The following MSN variants were observed in gnomAD, a reference collection of about 807,000 sequenced individuals.
MSN encodes epididymis luminal protein 70.
In MSN, 2 loss-of-function variants were observed where a neutral mutation model predicts 48.0. The observed-to-expected ratio is 0.04, with a 90% confidence interval of 0.02 to 0.13. MSN has a LOEUF of 0.13. Among genes scored for constraint, MSN ranks in the 10% least tolerant of loss-of-function variants. The probability of loss-of-function intolerance (pLI) is 1.00; values close to 1 mark genes in which losing one functional copy is unlikely to be tolerated. For missense variants in MSN, 267 were observed against 470.1 expected (o/e 0.57, Z 3.99); for synonymous variants, 146 against 166.9 (o/e 0.87, Z 0.97).
intron 1 of MSN, among the ~76,000 whole-genome samples, chrX:65,655,953 G>T (rs1186761521): frequency 9.0e-6 from 1 of 111,030 alleles, no homozygotes; most frequent in Non-Finnish European, 1.9e-5. Flanking sequence ...TTTTAGTAGA[G>T]ACAGGGTGTC....
intron 1 of MSN, among the ~76,000 whole-genome samples, chrX:65,610,980 T>G (rs1310931209): frequency 9.0e-6 from 1 of 111,260 alleles, no homozygotes; most frequent in African/African-American, 3.3e-5. Context: ...TCTCCAGAAC[T>G]CTTTTCATCT....
chrX:65,597,027 AG>A (rs1296096380), intron 1 of MSN, among the ~76,000 whole-genome samples: 1 of 111,198 alleles, frequency 9.0e-6, no homozygotes. Context: ...TAACTCCAAC[AG>A]TGCTTTATTT....
At chrX:65,681,984 C>T (rs1243255070) in intron 1 of MSN, among the ~76,000 whole-genome samples, 2 of 111,720 alleles carry the variant, frequency 1.8e-5, no homozygotes, top group Admixed American at 9.5e-5. Context: ...AGCAGCCTGA[C>T]TCCAACTGGC....
intron 1 of MSN, among the ~76,000 whole-genome samples, chrX:65,647,370 C>T (rs1435523516): frequency 9.0e-6 from 1 of 110,771 alleles, no homozygotes; most frequent in African/African-American, 3.3e-5. Flanking sequence ...TGCCACCACA[C>T]CCAGCTAATT....
At chrX:65,625,050 T>C (rs1328985861) in intron 1 of MSN, 1 of 112,379 alleles carries the variant, frequency 8.9e-6, no homozygotes, top group East Asian at 2.8e-4. Flanking sequence ...GACTCATTGG[T>C]TGCTTATGTC....
At chrX:65,682,322 C>G (rs2071064592) in intron 1 of MSN, among the ~76,000 whole-genome samples, 1 of 112,125 alleles carries the variant, frequency 8.9e-6, no homozygotes, top group African/African-American at 3.2e-5. Flanking sequence ...AGTGGAGAAT[C>G]TCAATTAATT....
At chrX:65,707,253 A>G (rs1371335787) in intron 1 of MSN, among the ~76,000 whole-genome samples, 1 of 109,551 alleles carries the variant, frequency 9.1e-6, no homozygotes, top group Non-Finnish European at 1.9e-5. Context: ...TGGACAGTGT[A>G]CCACCGAGAT....
intron 1 of MSN, among the ~76,000 whole-genome samples, chrX:65,622,521 T>C (rs1485512920): frequency 9.8e-6 from 1 of 101,557 alleles, no homozygotes; most frequent in African/African-American, 3.6e-5. Flanking sequence ...TTTTTTTTTT[T>C]TTTTTTTTTT....
intron 6 of MSN, 43 bp from the exon 7 acceptor site, chrX:65,733,141 T>C (rs2071640134): frequency 1.9e-6 from 2 of 1,075,124 alleles, no homozygotes; most frequent in South Asian, 1.9e-5. Context: ...ACACCCTTCT[T>C]GTCTTGCCCT....
intron 1 of MSN, among the ~76,000 whole-genome samples, chrX:65,710,302 G>T (rs767978835): frequency 8.9e-6 from 1 of 111,839 alleles, no homozygotes; most frequent in Non-Finnish European, 1.9e-5. Flanking sequence ...GTGTTTTTCA[G>T]TAAGTGCCTT....
intron 1 of MSN, among the ~76,000 whole-genome samples, chrX:65,608,828 T>A (rs1244762611): frequency 9.0e-6 from 1 of 111,174 alleles, no homozygotes; most frequent in African/African-American, 3.3e-5. Context: ...CAGGGTTGTA[T>A]AAAAATTCAG....
At chrX:65,675,887 C>T (rs2070993920) in intron 1 of MSN, among the ~76,000 whole-genome samples, 1 of 112,199 alleles carries the variant, frequency 8.9e-6, no homozygotes, top group African/African-American at 3.2e-5. Context: ...ATCCACCCGC[C>T]TCAGCCTCCC....
At chrX:65,654,321 C>T (rs2070766136) in intron 1 of MSN, among the ~76,000 whole-genome samples, 1 of 107,966 alleles carries the variant, frequency 9.3e-6, no homozygotes, top group African/African-American at 3.4e-5. Flanking sequence ...CAGGGTTTCA[C>T]CACATTAGCC....
intron 2 of MSN, 28 bp from the exon 3 acceptor site, chrX:65,727,786 G>A: frequency 2.6e-6 from 3 of 1,148,679 alleles, no homozygotes; most frequent in Non-Finnish European, 3.6e-6. Context: ...TTCAATCAAT[G>A]GTTGGTTGTT....
intron 1 of MSN, among the ~76,000 whole-genome samples, chrX:65,636,951 G>A (rs1048470070): frequency 9.6e-6 from 1 of 104,032 alleles, no homozygotes; most frequent in Non-Finnish European, 2.0e-5. Flanking sequence ...ACTTAGCTGG[G>A]CATGGTGGTG....
intron 2 of MSN, 148 bp downstream of exon 2, chrX:65,717,049 T>C (rs922601650): frequency 3.8e-6 from 2 of 532,115 alleles, no homozygotes; most frequent in African/African-American, 4.7e-5. Context: ...CCAGACTTAA[T>C]ATGAAAGGAG....
At chrX:65,696,612 G>C (rs1296504872) in intron 1 of MSN, among the ~76,000 whole-genome samples, 1 of 110,956 alleles carries the variant, frequency 9.0e-6, no homozygotes, top group Non-Finnish European at 1.9e-5. Flanking sequence ...TATGTGTGTG[G>C]GGGGCTAGAT....
intron 1 of MSN, among the ~76,000 whole-genome samples, chrX:65,696,410 T>C (rs933380574): frequency 1.3e-4 from 15 of 111,982 alleles, no homozygotes; most frequent in Admixed American, 8.5e-4. Flanking sequence ...TTTCCAGATC[T>C]TGCTAGAATA....
rs1223741749 is a variant in MSN, at chrX:65,729,468, C to A, written c.223C>A (p.Pro75Thr). The stretch of plus-strand genomic sequence containing the variant: ...TGCCCAGGATGTGCGGAAGGAAAGC[C>A]CCCTGCTCTTTAAGTTCCGTGCCAA... ...VTAQDVRKES[P>T]LLFKFRAKFY... is the part of the protein sequence containing the mutation. Residue 75 changes from proline (P) to threonine (T), a missense_variant, in exon 4 of 13, where the codon CCC becomes ACC. Physicochemically the swap from Pro to Thr is conservative, Grantham distance 38 (BLOSUM62 -1). Around this residue, in one of 5 missense-constraint regions of MSN, gnomAD observed 89 missense variants for 151.0 expected, o/e 0.59. Transcript: ENST00000360270. 1 of 1,209,066 alleles carries A rather than the reference C, an allele frequency of 8.3e-7. No individual in the cohort carries two copies. Among genetic ancestry groups the A allele is most frequent in the Non-Finnish European group, 1.1e-6 (1 of 894,981 alleles).
Sources: gnomAD v4.1 joint callset for allele counts (sites outside exome capture counted in the v4.1 genomes callset) on GRCh38, gnomAD v4.1.1 for gene constraint, gnomAD v4.1.1 regional missense constraint, MANE v1.5 for transcripts, NCBI Gene and HGNC (gene_info 2026-07-23, HGNC 2026-07-21) for gene names.